MAP3K1: variants seen among roughly 807,000 people sequenced by gnomAD.
The protein encoded by MAP3K1 is mitogen-activated protein kinase kinase kinase 1, also known as MAP/ERK kinase kinase 1.
Under a neutral mutation model 144.2 loss-of-function variants are expected in MAP3K1, and 36 were observed. The observed-to-expected ratio is 0.25, with a 90% CI of 0.19 to 0.33. MAP3K1 has a LOEUF of 0.33. Among genes scored for constraint, MAP3K1 ranks in the 10% least tolerant of loss-of-function variants. The pLI, the probability that MAP3K1 is intolerant of heterozygous loss-of-function variation, is 1.00. For missense variants in MAP3K1, 1,650 were observed against 1,881.9 expected (o/e 0.88, Z 2.28); for synonymous variants, 718 against 688.7 (o/e 1.04, Z -0.67).
At chr5:56,838,363 A>G (rs1302908504) in intron 1 of MAP3K1, among the ~76,000 whole-genome samples, 2 of 152,248 alleles carry the variant, frequency 1.3e-5, no homozygotes, top group Non-Finnish European at 2.9e-5. Context: ...AGGAAAAGTC[A>G]TAAGTCAAAA....
chr5:56,875,371 G>T, intron 10 of MAP3K1, 61 bp downstream of exon 10: 1 of 1,570,478 alleles, frequency 6.4e-7, no homozygotes. Flanking sequence ...ATGGTTCGTA[G>T]ATAGTGTTTT....
intron 3 of MAP3K1, among the ~76,000 whole-genome samples, chr5:56,863,683 G>C (rs968521182): frequency 6.6e-6 from 1 of 152,182 alleles, no homozygotes; most frequent in Non-Finnish European, 1.5e-5. Context: ...TGGGTAATAC[G>C]TTTAACATTT....
chr5:56,852,291 G>GTTA (rs1747199212), intron 1 of MAP3K1, among the ~76,000 whole-genome samples: 1 of 152,180 alleles, frequency 6.6e-6, no homozygotes, highest in African/African-American at 2.4e-5. Flanking sequence ...CTACAAGAGA[G>GTTA]TTAGCACAAT....
intron 1 of MAP3K1, among the ~76,000 whole-genome samples, chr5:56,850,696 C>G (rs1436137237): frequency 6.6e-6 from 1 of 152,096 alleles, no homozygotes; most frequent in Non-Finnish European, 1.5e-5. Flanking sequence ...ACTGTGTTAC[C>G]CTGGGCATAA....
In MAP3K1 at chr5:56,886,642, A is replaced by G. The variant is rs376952339; in HGVS notation, c.4114+579A>G. ...CCAGATTCCCTGTCTTGGCCTCATG[A>G]TACGCTGACTCCCAGAAAGTTCCTT... On this transcript the variant is annotated intron_variant, in intron 17 of 19. Coordinates refer to ENST00000399503, the MANE Select transcript of MAP3K1 (RefSeq NM_005921.2). Among the ~76,000 whole-genome samples, 32 of 152,334 alleles carry G rather than the reference A, an allele frequency of 2.1e-4. No homozygotes were observed. In the East Asian group the frequency reaches 4.2e-3, roughly 20 times the overall value.
chr5:56,875,145 G>C lies in MAP3K1; in HGVS notation c.1800G>C (p.Gly600=), dbSNP rs1285272041. The change falls in exon 10 of 20, where the codon GGG becomes GGC. Residue 600 remains glycine (G), a synonymous_variant. Transcript: ENST00000399503. ...DVSGALLLAN[G]ESTGNSGGSS... ...GTGGGGCCCTGCTGTTGGCAAATGG[G>C]GAGAGCACTGGAAATTCTGGGGGCA... 2 of 1,614,052 alleles carry C rather than the reference G, an allele frequency of 1.2e-6. No homozygotes were observed. The highest frequency in any genetic ancestry group is 1.7e-6 in the Non-Finnish European group (2 of 1,180,030).
rs1030459776 is a variant in MAP3K1 at position 56,894,370 on chromosome 5, GAAA to G, written c.*698_*700del. On this transcript the variant is annotated 3_prime_UTR_variant, in exon 20 of 20. Coordinates refer to ENST00000399503, the MANE Select transcript of MAP3K1 (RefSeq NM_005921.2). The stretch of plus-strand genomic sequence containing the variant: ...GAAAGCTGATCTTTTTTTCAAACCA[GAAA>G]AAAAAAATGAACTAGATATGAAGTA... 4.9e-6 allele frequency: 1 copy of G among 205,182 alleles called. No homozygotes were observed. The highest frequency in any genetic ancestry group is 2.3e-5 in the African/African-American group (1 of 42,578). The allele number at this position is 205,182 out of a possible 1,614,324, so 12.7% of individuals were successfully genotyped here.
At chr5:56,833,833 G>T (rs919244930) in intron 1 of MAP3K1, among the ~76,000 whole-genome samples, 11 of 152,080 alleles carry the variant, frequency 7.2e-5, no homozygotes, top group African/African-American at 2.4e-4. Context: ...GTTATGCCTA[G>T]ATGGACTTCT....
chr5:56,835,966 A>G (rs933196974), intron 1 of MAP3K1, among the ~76,000 whole-genome samples: 1 of 152,182 alleles, frequency 6.6e-6, no homozygotes, highest in Admixed American at 6.5e-5. Flanking sequence ...GGTATAACAA[A>G]ACATTCACTC....
chr5:56,876,148 C>T (rs73759248), intron 10 of MAP3K1, among the ~76,000 whole-genome samples: 2,928 of 132,986 alleles, frequency 0.022, 101 homozygotes, highest in African/African-American at 0.082. Flanking sequence ...GTACTATTAA[C>T]ATTTGTTAGA....
chr5:56,849,511 G>C (rs1747104022), intron 1 of MAP3K1, among the ~76,000 whole-genome samples: 1 of 152,110 alleles, frequency 6.6e-6, no homozygotes, highest in South Asian at 2.1e-4. Context: ...ATAAAATCTG[G>C]AATAAAATCT....
chr5:56,887,877 T>G, intron 18 of MAP3K1: 1 of 433,248 alleles, frequency 2.3e-6, no homozygotes, highest in Non-Finnish European at 4.2e-6. Flanking sequence ...CTCCTGTCTG[T>G]AGTGGAAGGA....
chr5:56,878,910 C>T, intron 10 of MAP3K1, 70 bp from the exon 11 acceptor site: 1 of 1,418,504 alleles, frequency 7.0e-7, no homozygotes, highest in Non-Finnish European at 1.0e-6. Context: ...CTCAAATTGT[C>T]TCAAATTAGG....
chr5:56,822,472 C>G (rs544711822), intron 1 of MAP3K1, among the ~76,000 whole-genome samples: 2 of 152,290 alleles, frequency 1.3e-5, no homozygotes, highest in East Asian at 3.9e-4. Context: ...ATTGAGAAAA[C>G]TGAATTCCTG....
chr5:56,839,011 G>A (rs1015136695), intron 1 of MAP3K1, among the ~76,000 whole-genome samples: 2 of 152,222 alleles, frequency 1.3e-5, no homozygotes, highest in Non-Finnish European at 2.9e-5. Context: ...CTTCTGGGGA[G>A]ACTTCGTTTT....
intron 2 of MAP3K1, among the ~76,000 whole-genome samples, chr5:56,857,714 C>T (rs978552613): frequency 6.6e-6 from 1 of 152,172 alleles, no homozygotes; most frequent in Admixed American, 6.5e-5. Context: ...ACCTTTTAGG[C>T]AGTGCAGTTT....
chr5:56,843,838 A>G (rs1746893097), intron 1 of MAP3K1, among the ~76,000 whole-genome samples: 1 of 152,210 alleles, frequency 6.6e-6, no homozygotes, highest in South Asian at 2.1e-4. Flanking sequence ...TAGTATTAAG[A>G]CATTAAGATT....
intron 19 of MAP3K1, among the ~76,000 whole-genome samples, chr5:56,890,315 A>C (rs1335239616): frequency 1.3e-5 from 2 of 152,214 alleles, no homozygotes; most frequent in Non-Finnish European, 2.9e-5. Context: ...AAATTGGCAC[A>C]GTTCATATTT....
rs1016503733 is a variant in MAP3K1, at chr5:56,894,717, G to A, written c.*1037G>A. ...TCACTACTGGTAGTAACATAGAGCTGCCATTTTCCTTTTACCATGCATCAT... is the reference window on the plus strand; with the variant it reads ...TCACTACTGGTAGTAACATAGAGCTACCATTTTCCTTTTACCATGCATCAT... On this transcript the variant is annotated 3_prime_UTR_variant, in exon 20 of 20. Transcript: ENST00000399503. 2.2e-5 allele frequency: 5 copies of A among 232,178 alleles called. No homozygotes were observed. The highest frequency in any genetic ancestry group is 3.6e-4 in the South Asian group (2 of 5,524). 14.4% of individuals were successfully genotyped at this position (232,178 alleles called of 1,614,324 possible). A position where few individuals can be genotyped will look rare whatever the true frequency, so the allele number is the denominator to read the frequency against.
Sources: gnomAD v4.1 joint callset for allele counts (sites outside exome capture counted in the v4.1 genomes callset) on GRCh38, gnomAD v4.1.1 for gene constraint, MANE v1.5 for transcripts, NCBI Gene and HGNC (gene_info 2026-07-23, HGNC 2026-07-21) for gene names.